Variants in TBC1D32 observed in about 807,000 individuals in gnomAD.
TBC1D32 encodes protein broad-minded.
A neutral mutation model predicts 170.3 loss-of-function variants in TBC1D32; 151 were observed. The observed-to-expected ratio is 0.89, with a 90% CI of 0.78 to 1.01. The LOEUF is 1.01. TBC1D32 is among the 50% of genes least tolerant of loss of function. TBC1D32 has a pLI of 0.00. For synonymous variants in TBC1D32, 498 were observed against 488.0 expected, an observed-to-expected ratio of 1.02 and a Z score of -0.27; for missense variants, 1,464 against 1,457.1, an observed-to-expected ratio of 1.00 and a Z score of -0.08.
chr6:121,123,307 T>C (rs1009440936), intron 26 of TBC1D32, among the ~76,000 whole-genome samples: 14 of 152,148 alleles, frequency 9.2e-5, no homozygotes, highest in African/African-American at 2.9e-4. Flanking sequence ...AGTTTTTCCC[T>C]GGATGATCTA....
At chr6:121,161,140 A>G in intron 22 of TBC1D32, 84 bp from the exon 23 acceptor site, 2 of 975,324 alleles carry the variant, frequency 2.1e-6, no homozygotes, top group Non-Finnish European at 1.5e-6. Context: ...ATTGTAAAGA[A>G]AAAAGGCAAA....
intron 12 of TBC1D32, among the ~76,000 whole-genome samples, chr6:121,290,574 T>C (rs1804674434): frequency 6.6e-6 from 1 of 152,206 alleles, no homozygotes; most frequent in African/African-American, 2.4e-5. Flanking sequence ...AGTTCAACCA[T>C]TGTGGAAGTC....
intron 17 of TBC1D32, among the ~76,000 whole-genome samples, chr6:121,250,131 T>C (rs1304735228): frequency 6.6e-6 from 1 of 151,632 alleles, no homozygotes; most frequent in African/African-American, 2.4e-5. Flanking sequence ...GGTATAAAAA[T>C]AGGCAAGTAC....
chr6:121,317,809 C>T (rs1809144014), intron 2 of TBC1D32, 137 bp from the exon 3 acceptor site: 1 of 522,548 alleles, frequency 1.9e-6, no homozygotes, highest in Non-Finnish European at 3.2e-6. Context: ...AAATCGAACT[C>T]AATTTTTCTT....
At chr6:121,304,961 C>T in intron 5 of TBC1D32, 128 bp from the exon 6 acceptor site, 1 of 657,574 alleles carries the variant, frequency 1.5e-6, no homozygotes, top group Non-Finnish European at 2.6e-6. Context: ...AAACTAGAGT[C>T]AGAATGTACT....
In TBC1D32 at chr6:121,304,505, T is replaced by C. The variant is rs758688054; in HGVS notation, c.873+17A>G. 4 of 1,601,376 alleles carry C rather than the reference T, an allele frequency of 2.5e-6. No homozygotes were observed. The East Asian group carries it at 6.7e-5, about 27-fold the overall frequency. On this transcript the variant is annotated intron_variant, in intron 7 of 31. Coordinates refer to ENST00000398212, the MANE Select transcript of TBC1D32 (RefSeq NM_152730.6). ...CTAAATAAATAAAAATGAAAGCATA[T>C]TGTAGTAAATGGATACCTTTTTAAG...
At position 121,334,315 on chromosome 6, in the gene TBC1D32, A is replaced by G. The variant is rs1404093356; in HGVS notation, c.116T>C (p.Ile39Thr). ...GAPSLECAEE[I>T]LLHLEETDEN... ...ATCAGTTTCCTCCAGATGTAAAAGA[A>G]TCTCTTCGGCACACTCCAGGGAAGG... is the stretch of plus-strand genomic sequence containing the variant. Residue 39 changes from isoleucine (I) to threonine (T), a missense_variant, in exon 1 of 32, where the codon ATT becomes ACT. This residue lies in a region of TBC1D32 where 1,363 missense variants were observed against 1,338.1 expected (regional missense o/e 1.02). Coordinates refer to ENST00000398212, the MANE Select transcript of TBC1D32 (RefSeq NM_152730.6). 2.5e-6 allele frequency: 4 copies of G among 1,614,138 alleles called. No individual in the cohort carries two copies. Among genetic ancestry groups the G allele is most frequent in the Non-Finnish European group, 3.4e-6 (4 of 1,180,020 alleles).
intron 10 of TBC1D32, 88 bp downstream of exon 10, chr6:121,299,358 A>C: frequency 7.4e-7 from 1 of 1,351,234 alleles, no homozygotes; most frequent in Non-Finnish European, 9.9e-7. Context: ...ATTAATTATC[A>C]CCACACAACT....
intron 22 of TBC1D32, among the ~76,000 whole-genome samples, chr6:121,171,004 T>C (rs916525266): frequency 6.6e-6 from 1 of 152,002 alleles, no homozygotes. Flanking sequence ...TAAGCCCACT[T>C]ATCTATCTTA....
At chr6:121,317,774 T>C (rs987974153) in intron 2 of TBC1D32, 102 bp from the exon 3 acceptor site, 2 of 788,716 alleles carry the variant, frequency 2.5e-6, no homozygotes, top group Admixed American at 3.6e-5. Context: ...GGGAAGTCCC[T>C]TTAAGAACAC....
chr6:121,220,484 T>C (rs1794364602), intron 21 of TBC1D32, among the ~76,000 whole-genome samples: 1 of 152,030 alleles, frequency 6.6e-6, no homozygotes, highest in African/African-American at 2.4e-5. Context: ...AAGTTTGAAA[T>C]TAACAGGTTG....
rs556548501 is a variant in TBC1D32, at chr6:121,154,176, G to A, written c.2773+5834C>T. Among the ~76,000 whole-genome samples, 59 of 152,272 alleles carry A rather than the reference G, an allele frequency of 3.9e-4. No individual in the cohort carries two copies. In the South Asian group the frequency reaches 4.8e-3, roughly 12 times the overall value. On this transcript the variant is annotated intron_variant, in intron 24 of 31. Coordinates refer to ENST00000398212, the MANE Select transcript of TBC1D32 (RefSeq NM_152730.6). ...GGGTTGCGAAGATGGTGGGAAAAGC[G>A]TAGTACCTGGACTGGATAGCACCGT... is the stretch of plus-strand genomic sequence containing the variant.
chr6:121,168,324 A>G (rs1296774469), intron 22 of TBC1D32, among the ~76,000 whole-genome samples: 1 of 141,590 alleles, frequency 7.1e-6, no homozygotes, highest in Non-Finnish European at 1.5e-5. Flanking sequence ...AATGTCCAAC[A>G]ATGATAGACT....
At position 121,241,451 on chromosome 6, in the gene TBC1D32, A is replaced by T. The variant is rs1366227554; in HGVS notation, c.2245+14T>A. 6.2e-6 allele frequency: 10 copies of T among 1,603,956 alleles called. No homozygotes were observed. The highest frequency in any genetic ancestry group is 8.5e-6 in the Non-Finnish European group (10 of 1,173,704). Reference sequence around the variant, plus strand: ...TTAAAATAATTATAATTCTAATGAAAAGAAAACATTTACCTGACTTTTTTA... The same window carrying T: ...TTAAAATAATTATAATTCTAATGAATAGAAAACATTTACCTGACTTTTTTA... On this transcript the variant is annotated intron_variant, in intron 19 of 31. Coordinates refer to ENST00000398212, the MANE Select transcript of TBC1D32 (RefSeq NM_152730.6).
At chr6:121,326,411 C>A (rs1361734892) in intron 1 of TBC1D32, among the ~76,000 whole-genome samples, 1 of 152,082 alleles carries the variant, frequency 6.6e-6, no homozygotes, top group Non-Finnish European at 1.5e-5. Flanking sequence ...ACACTAATTA[C>A]CTTGATCTGA....
intron 24 of TBC1D32, among the ~76,000 whole-genome samples, chr6:121,142,033 T>C (rs1782852691): frequency 6.6e-6 from 1 of 152,176 alleles, no homozygotes; most frequent in Non-Finnish European, 1.5e-5. Flanking sequence ...ACTCGAGGGG[T>C]CAACAATGTT....
chr6:121,148,217 C>T (rs182545273), intron 24 of TBC1D32, among the ~76,000 whole-genome samples: 4 of 151,938 alleles, frequency 2.6e-5, no homozygotes, highest in East Asian at 1.9e-4. Flanking sequence ...TTCCCACTTA[C>T]GAGTGAGAAC....
At chr6:121,081,319 A>T (rs1044337674) in intron 31 of TBC1D32, among the ~76,000 whole-genome samples, 7 of 152,170 alleles carry the variant, frequency 4.6e-5, no homozygotes, top group African/African-American at 1.7e-4. Flanking sequence ...ATCTGCAATT[A>T]CTAATGTTGG....
intron 28 of TBC1D32, 96 bp downstream of exon 28, chr6:121,112,966 C>T: frequency 1.2e-6 from 1 of 844,944 alleles, no homozygotes; most frequent in South Asian, 1.8e-5. Flanking sequence ...GCTTAAAGTA[C>T]TACTTTACTA....
Sources: gnomAD v4.1 joint callset for allele counts (sites outside exome capture counted in the v4.1 genomes callset) on GRCh38, gnomAD v4.1.1 for gene constraint, gnomAD v4.1.1 regional missense constraint, MANE v1.5 for transcripts, NCBI Gene and HGNC (gene_info 2026-07-23, HGNC 2026-07-21) for gene names.